Variants in APOBEC3B observed in about 807,000 individuals in gnomAD.
APOBEC3B encodes the protein DNA dC->dU-editing enzyme APOBEC-3B.
APOBEC3B carries 29 observed loss-of-function variants against 53.4 expected under a neutral mutation model. The ratio of observed to expected loss-of-function variants is 0.54; its 90% CI spans 0.40 to 0.74. The LOEUF (loss-of-function observed/expected upper bound fraction) is 0.74, where lower values mean the gene tolerates loss of function less well. Ranked by LOEUF, APOBEC3B falls within the 30% of genes least tolerant of loss-of-function variation. The pLI, the probability that APOBEC3B is intolerant of heterozygous loss-of-function variation, is 0.00. For synonymous variants in APOBEC3B, 132 were observed against 184.8 expected, an observed-to-expected ratio of 0.71 and a Z score of 2.32; for missense variants, 347 against 496.2, an observed-to-expected ratio of 0.70 and a Z score of 2.86.
rs199854700 is a variant in APOBEC3B, at chr22:38,982,436, G to A, written c.-18G>A. The A allele has an allele frequency of 5.1e-5, 81 of 1,593,488 alleles. 4 individuals are homozygous for A. The highest frequency in any genetic ancestry group is 1.9e-4 in the African/African-American group (14 of 74,366). On this transcript the variant is annotated 5_prime_UTR_variant, in exon 1 of 8. Coordinates refer to ENST00000333467, the MANE Select transcript of APOBEC3B (RefSeq NM_004900.5). ...AAAAAAGAGCGGGACAGGGACAAGC[G>A]TATCTAAGAGGCTGAACATGAATCC...
rs1248166694 is a variant in APOBEC3B, at chr22:38,982,347, A to G, written c.-107A>G. ...ATGACTCATAAGGCCCTGGGAGGTC[A>G]CTTTAAGGAGGGCTGTCCAACTGCA... On this transcript the variant is annotated 5_prime_UTR_variant, in exon 1 of 8. Coordinates refer to ENST00000333467, the MANE Select transcript of APOBEC3B (RefSeq NM_004900.5). 1 of 1,483,234 alleles carries G rather than the reference A, an allele frequency of 6.7e-7. No individual in the cohort carries two copies. Among genetic ancestry groups the G allele is most frequent in the Non-Finnish European group, 9.3e-7 (1 of 1,080,958 alleles). 91.9% of individuals were successfully genotyped at this position (1,483,234 alleles called of 1,614,324 possible). A position where few individuals can be genotyped will look rare whatever the true frequency, so the allele number is the denominator to read the frequency against.
chr22:38,983,592 A>G (rs1435645357), intron 1 of APOBEC3B, among the ~76,000 whole-genome samples: 2 of 148,768 alleles, frequency 1.3e-5, no homozygotes, highest in Non-Finnish European at 3.0e-5. Flanking sequence ...TGGCCCCTGC[A>G]GGCCTAGGGT....
chr22:38,984,337 A>G, intron 2 of APOBEC3B, 106 bp downstream of exon 2: 4 of 1,342,516 alleles, frequency 3.0e-6, no homozygotes, highest in South Asian at 1.6e-5. Flanking sequence ...GCACTGGTTC[A>G]GCAGACTCAC....
intron 5 of APOBEC3B, 52 bp downstream of exon 5, chr22:38,989,662 A>C: frequency 1.4e-6 from 2 of 1,475,006 alleles, no homozygotes; most frequent in African/African-American, 1.4e-5. Flanking sequence ...ATCCAGGGAC[A>C]CTCATAGATA....
At position 38,986,274 on chromosome 22, in the gene APOBEC3B, C is replaced by G. The variant is rs759178182; in HGVS notation, c.455-24C>G. On this transcript the variant is annotated intron_variant, in intron 3 of 7. Coordinates refer to ENST00000333467, the MANE Select transcript of APOBEC3B (RefSeq NM_004900.5). ...AGGCCAGGGTCAGGGGAGAGCCTGA[C>G]TGCTTCCCGCTTCTTCATCTCAGAA... 1.1e-5 allele frequency: 18 copies of G among 1,591,826 alleles called. 3 individuals carry two copies. The highest frequency in any genetic ancestry group is 1.7e-4 in the Middle Eastern group (1 of 6,012).
chr22:38,984,895 C>CTTTTTTTTTT, intron 2 of APOBEC3B, among the ~76,000 whole-genome samples: 1 of 84,814 alleles, frequency 1.2e-5, no homozygotes, highest in East Asian at 4.5e-4. Context: ...TCTTTTTTTC[C>CTTTTTTTTTT]TTTTTTTTTT....
rs1924016361 is a variant in APOBEC3B at position 38,991,891 on chromosome 22, A to G, written c.1019-143A>G. 3 of 1,348,800 alleles carry G rather than the reference A, an allele frequency of 2.2e-6. No homozygotes were observed. In the Admixed American group the frequency reaches 9.0e-5, roughly 41 times the overall value. 83.6% of individuals were successfully genotyped at this position (1,348,800 alleles called of 1,614,324 possible). A position where few individuals can be genotyped will look rare whatever the true frequency, so the allele number is the denominator to read the frequency against. On this transcript the variant is annotated intron_variant, in intron 6 of 7. Coordinates refer to ENST00000333467, the MANE Select transcript of APOBEC3B (RefSeq NM_004900.5). ...TCCAATGGGAAGGAAGTACCTGATGAAGGAGCTAAGTCCCTAGGGGAGGGA... is the reference window on the plus strand; with the variant it reads ...TCCAATGGGAAGGAAGTACCTGATGGAGGAGCTAAGTCCCTAGGGGAGGGA...
chr22:38,987,439 G>A (rs996974198), intron 4 of APOBEC3B, among the ~76,000 whole-genome samples: 10 of 148,516 alleles, frequency 6.7e-5, no homozygotes, highest in African/African-American at 2.2e-4. Flanking sequence ...GAAAGTCACC[G>A]CTGGGCTGGT....
At chr22:38,985,029 A>G (rs1423111537) in intron 2 of APOBEC3B, among the ~76,000 whole-genome samples, 1 of 145,720 alleles carries the variant, frequency 6.9e-6, no homozygotes, top group African/African-American at 2.5e-5. Flanking sequence ...AGCCTCCCGA[A>G]TAGCTGGGAT....
In APOBEC3B at chr22:38,984,133, A is replaced by G. The variant is rs766494496; in HGVS notation, c.76A>G (p.Ile26Val). ...TFYDNFENEP[I>V]LYGRSYTWLC... is the part of the protein sequence containing the mutation. ...CTACGACAACTTTGAAAACGAACCC[A>G]TCCTCTATGGTCGGAGCTACACTTG... The change falls in exon 2 of 8, where the codon ATC becomes GTC. Residue 26 changes from isoleucine to valine, a missense_variant. By Grantham distance (29) the Ile-to-Val change is conservative. Around this residue, in one of 5 missense-constraint regions of APOBEC3B, gnomAD observed 73 missense variants for 90.9 expected, o/e 0.80. Coordinates refer to ENST00000333467, the MANE Select transcript of APOBEC3B (RefSeq NM_004900.5). 5 of 1,590,734 alleles carry G rather than the reference A, an allele frequency of 3.1e-6. No individual in the cohort carries two copies. Among genetic ancestry groups the G allele is most frequent in the Non-Finnish European group, 4.3e-6 (5 of 1,171,754 alleles).
chr22:38,985,016 C>T (rs1040806896), intron 2 of APOBEC3B, among the ~76,000 whole-genome samples: 1 of 144,442 alleles, frequency 6.9e-6, no homozygotes, highest in Non-Finnish European at 1.5e-5. Context: ...ATTCTTCGGC[C>T]TTAGCCTCCC....
chr22:38,982,594 C>A, intron 1 of APOBEC3B, 124 bp downstream of exon 1: 2 of 1,175,592 alleles, frequency 1.7e-6, no homozygotes, highest in Non-Finnish European at 2.4e-6. Flanking sequence ...CCTCTGGCTC[C>A]CCTGCCACAC....
rs181018660 is a variant in APOBEC3B at position 38,984,402 on chromosome 22, T to C, written c.174+171T>C. On this transcript the variant is annotated intron_variant, in intron 2 of 7. Coordinates refer to ENST00000333467, the MANE Select transcript of APOBEC3B (RefSeq NM_004900.5). ...CAGACTGAGGTATTTATAAGCAAAC[T>C]TACAGAAGCAGAACAAAGGCGATTA... 2.6e-3 allele frequency among the ~76,000 whole-genome samples: 379 copies of C among 148,452 alleles called. 22 individuals are homozygous for C. Among genetic ancestry groups the C allele is most frequent in the African/African-American group, 9.0e-3 (368 of 40,882 alleles).
At chr22:38,987,771 G>A (rs1021686734) in intron 4 of APOBEC3B, among the ~76,000 whole-genome samples, 2 of 148,248 alleles carry the variant, frequency 1.3e-5, no homozygotes, top group African/African-American at 4.9e-5. Context: ...CCTGCAACAT[G>A]GAGTGTAGGA....
intron 4 of APOBEC3B, among the ~76,000 whole-genome samples, chr22:38,988,687 T>TTTCTCTTTCTCTCTTTCTCTCTTTCTC (rs1491021212): frequency 2.2e-5 from 1 of 45,194 alleles, no homozygotes; most frequent in Non-Finnish European, 4.3e-5. Context: ...CTCTTTCTCT[T>TTTCTCTTTCTCTCTTTCTCTCTTTCTC]TCTTTCTTTC....
At chr22:38,983,219 TA>T (rs1923602427) in intron 1 of APOBEC3B, among the ~76,000 whole-genome samples, 1 of 147,836 alleles carries the variant, frequency 6.8e-6, no homozygotes, top group Admixed American at 7.0e-5. Context: ...TCAGGAGGTT[TA>T]GGCAGGAGAA....
intron 4 of APOBEC3B, among the ~76,000 whole-genome samples, chr22:38,987,550 A>G (rs11703312): frequency 0.049 from 7,309 of 148,536 alleles, 736 homozygotes; most frequent in Non-Finnish European, 0.076. Flanking sequence ...GCAATCAGGC[A>G]TTTTGTTCTT....
chr22:38,991,999 C>A, intron 6 of APOBEC3B, 35 bp from the exon 7 acceptor site: 2 of 1,536,116 alleles, frequency 1.3e-6, no homozygotes, highest in Admixed American at 2.0e-5. Flanking sequence ...CTCCCCACAA[C>A]AGGAGCGTGA....
rs918481509 is a variant in APOBEC3B, at chr22:38,985,240, T to G, written c.175-572T>G. On this transcript the variant is annotated intron_variant, in intron 2 of 7. Transcript: ENST00000333467. ...GTTTTTTTGTTTTGTTTTGTTTTGG[T>G]TTTTTTTTAAGACTGAGTTTCACTC... 7.6e-5 allele frequency among the ~76,000 whole-genome samples: 11 copies of G among 143,812 alleles called. 1 individual carries two copies. Among genetic ancestry groups the G allele is most frequent in the African/African-American group, 2.7e-4 (10 of 37,390 alleles). The allele number at this position is 143,812 out of a possible 152,430, so 94.3% of individuals were successfully genotyped here.
Sources: gnomAD v4.1 joint callset for allele counts (sites outside exome capture counted in the v4.1 genomes callset) on GRCh38, gnomAD v4.1.1 for gene constraint, gnomAD v4.1.1 regional missense constraint, MANE v1.5 for transcripts, NCBI Gene and HGNC (gene_info 2026-07-23, HGNC 2026-07-21) for gene names.